PLEKHA7: variants seen among roughly 807,000 people sequenced by gnomAD.
PLEKHA7 encodes the protein pleckstrin homology domain-containing family A member 7.
A neutral mutation model predicts 170.0 loss-of-function variants in PLEKHA7; 104 were observed. The observed-to-expected ratio is 0.61, with a 90% confidence interval of 0.52 to 0.72. The LOEUF is 0.72. PLEKHA7 is among the 30% of genes least tolerant of loss of function. The probability of loss-of-function intolerance (pLI) is 0.00; values close to 1 mark genes in which losing one functional copy is unlikely to be tolerated. For missense variants in PLEKHA7, 1,615 were observed against 1,671.7 expected, an observed-to-expected ratio of 0.97 and a Z score of 0.59; for synonymous variants, 648 against 660.8, an observed-to-expected ratio of 0.98 and a Z score of 0.30.
At chr11:16,846,017 G>A (rs1852374901) in intron 8 of PLEKHA7, among the ~76,000 whole-genome samples, 1 of 152,174 alleles carries the variant, frequency 6.6e-6, no homozygotes, top group Non-Finnish European at 1.5e-5. Context: ...GGGTGTAGTG[G>A]CTCATGCCTG....
Position 17,008,721 on chromosome 11 carries a change from G to A in PLEKHA7, c.221+5268C>T, listed in dbSNP as rs535148868. The stretch of plus-strand genomic sequence containing the variant: ...TGCCTGCCTTCAAGGAACAGCCTTG[G>A]CACAGGCAAGGTGGCTGAGCCCCTC... On this transcript the variant is annotated intron_variant, in intron 3 of 26. Transcript: ENST00000531066. 6.6e-5 allele frequency among the ~76,000 whole-genome samples: 10 copies of A among 152,302 alleles called. No homozygotes were observed. In the South Asian group the frequency reaches 2.1e-3, roughly 32 times the overall value.
intron 4 of PLEKHA7, among the ~76,000 whole-genome samples, chr11:16,863,412 C>T (rs1590380974): frequency 6.6e-6 from 1 of 152,148 alleles, no homozygotes; most frequent in Non-Finnish European, 1.5e-5. Context: ...CTGGGAAAGG[C>T]AGGTCAAGCA....
chr11:16,899,149 A>G (rs1378946830), intron 3 of PLEKHA7, among the ~76,000 whole-genome samples: 1 of 152,248 alleles, frequency 6.6e-6, no homozygotes, highest in African/African-American at 2.4e-5. Flanking sequence ...TAGAGTAAAC[A>G]ATATTTTGAT....
intron 3 of PLEKHA7, among the ~76,000 whole-genome samples, chr11:17,001,307 T>TTGATCA (rs1017893728): frequency 6.6e-6 from 1 of 152,170 alleles, no homozygotes. Flanking sequence ...AGATAATTCC[T>TTGATCA]TGATCAAAAG....
intron 3 of PLEKHA7, among the ~76,000 whole-genome samples, chr11:16,977,794 G>A (rs1044649410): frequency 1.3e-5 from 2 of 152,052 alleles, no homozygotes; most frequent in South Asian, 2.1e-4. Context: ...TCAAATCCTC[G>A]CTTTGTCAGT....
intron 3 of PLEKHA7, among the ~76,000 whole-genome samples, chr11:16,879,537 C>G (rs1312103277): frequency 2.0e-5 from 3 of 152,138 alleles, no homozygotes; most frequent in Admixed American, 1.3e-4. Flanking sequence ...CCATACCGTC[C>G]ACATCTGGCA....
At chr11:16,878,142 C>T (rs1855445123) in intron 3 of PLEKHA7, among the ~76,000 whole-genome samples, 1 of 152,182 alleles carries the variant, frequency 6.6e-6, no homozygotes, top group African/African-American at 2.4e-5. Context: ...ATATGTGAGG[C>T]ACACAGAACC....
chr11:16,995,136 T>C (rs974526246), intron 3 of PLEKHA7, among the ~76,000 whole-genome samples: 4 of 152,160 alleles, frequency 2.6e-5, no homozygotes, highest in Admixed American at 6.5e-5. Flanking sequence ...TCCCCATTTT[T>C]CAGATGAGGA....
intron 3 of PLEKHA7, among the ~76,000 whole-genome samples, chr11:16,874,254 C>T (rs910867852): frequency 1.3e-5 from 2 of 152,130 alleles, no homozygotes; most frequent in Admixed American, 1.3e-4. Context: ...CACCTGTAAT[C>T]CTAGCACTTC....
intron 4 of PLEKHA7, among the ~76,000 whole-genome samples, chr11:16,866,680 T>TAA (rs1854423950): frequency 6.6e-6 from 1 of 152,224 alleles, no homozygotes; most frequent in African/African-American, 2.4e-5. Context: ...TTTGCTGTTT[T>TAA]AAATCATGAA....
chr11:16,826,647 G>C, intron 9 of PLEKHA7, 57 bp from the exon 10 acceptor site: 1 of 1,461,648 alleles, frequency 6.8e-7, no homozygotes, highest in Non-Finnish European at 9.4e-7. Context: ...ATGATGAAAT[G>C]CACTGTACAC....
intron 17 of PLEKHA7, among the ~76,000 whole-genome samples, chr11:16,797,711 A>G (rs563234061): frequency 2.0e-5 from 3 of 152,298 alleles, no homozygotes; most frequent in Non-Finnish European, 2.9e-5. Flanking sequence ...AGCCCAGGGC[A>G]TGTGTATGTA....
At chr11:16,809,204 T>C (rs915943977) in intron 13 of PLEKHA7, among the ~76,000 whole-genome samples, 8 of 152,138 alleles carry the variant, frequency 5.3e-5, no homozygotes, top group Non-Finnish European at 7.4e-5. Flanking sequence ...CGTTGTATGA[T>C]TACTTGGCAC....
At chr11:16,802,547 CTT>C (rs34381620) in intron 15 of PLEKHA7, among the ~76,000 whole-genome samples, 8 of 147,282 alleles carry the variant, frequency 5.4e-5, no homozygotes, top group East Asian at 4.0e-4. Context: ...AACACAAAGG[CTT>C]TTTTTTTTTT....
intron 13 of PLEKHA7, among the ~76,000 whole-genome samples, chr11:16,806,184 T>C (rs191554084): frequency 1.3e-5 from 2 of 152,322 alleles, no homozygotes; most frequent in East Asian, 3.9e-4. Context: ...CTCTGTCTCC[T>C]ATGGACGAAA....
intron 3 of PLEKHA7, among the ~76,000 whole-genome samples, chr11:16,913,892 G>A (rs1246234173): frequency 6.6e-6 from 1 of 152,158 alleles, no homozygotes; most frequent in Non-Finnish European, 1.5e-5. Context: ...ACTTTTAAAT[G>A]TGCTTATTCT....
At chr11:16,902,919 T>C (rs926301526) in intron 3 of PLEKHA7, among the ~76,000 whole-genome samples, 1 of 152,186 alleles carries the variant, frequency 6.6e-6, no homozygotes. Context: ...TTACAATCCA[T>C]AAATGCTTTG....
intron 10 of PLEKHA7, among the ~76,000 whole-genome samples, chr11:16,824,761 T>A (rs898733470): frequency 6.6e-6 from 1 of 152,230 alleles, no homozygotes; most frequent in Admixed American, 6.5e-5. Context: ...CGTGGTTCCC[T>A]ATTGCTTTTT....
intron 3 of PLEKHA7, among the ~76,000 whole-genome samples, chr11:16,957,676 T>C (rs1343792945): frequency 6.6e-6 from 1 of 151,160 alleles, no homozygotes; most frequent in Non-Finnish European, 1.5e-5. Flanking sequence ...ATTACATGAA[T>C]TTTACCTCAA....
Sources: allele counts gnomAD v4.1 joint callset (sites outside exome capture counted in the v4.1 genomes callset), GRCh38; gene constraint gnomAD v4.1.1; transcripts MANE v1.5; gene names NCBI Gene and HGNC (gene_info 2026-07-23, HGNC 2026-07-21).